HGD: variants seen among roughly 807,000 people sequenced by gnomAD.
The protein encoded by HGD is homogentisate oxidase.
HGD carries 61 observed loss-of-function variants against 60.8 expected under a neutral mutation model. The ratio of observed to expected loss-of-function variants is 1.00; its 90% CI spans 0.82 to 1.24. The LOEUF is 1.24. HGD is among the 50% of genes most tolerant of loss of function. The pLI is 0.00. For missense variants in HGD, 542 were observed against 547.1 expected (o/e 0.99, Z 0.09); for synonymous variants, 212 against 187.7 (o/e 1.13, Z -1.06).
chr3:120,664,667 G>A (rs2107539633), intron 4 of HGD, among the ~76,000 whole-genome samples: 1 of 152,182 alleles, frequency 6.6e-6, no homozygotes, highest in East Asian at 1.9e-4. Context: ...CTGGACTCAA[G>A]TGAACCTCTC....
chr3:120,644,568 C>T (rs1941100718), intron 9 of HGD, 125 bp from the exon 10 acceptor site: 1 of 1,560,342 alleles, frequency 6.4e-7, no homozygotes, highest in African/African-American at 1.4e-5. Context: ...TTTCATTGCT[C>T]AAAGATTCAC....
At chr3:120,670,716 T>G (rs750326180) in intron 3 of HGD, among the ~76,000 whole-genome samples, 184 bp from the exon 4 acceptor site, 2 of 152,222 alleles carry the variant, frequency 1.3e-5, no homozygotes, top group Non-Finnish European at 2.9e-5. Flanking sequence ...CCCACAGCCC[T>G]GGCCTCTTCT....
At position 120,679,354 on chromosome 3, in the gene HGD, AT is replaced by A. The variant is rs576722315; in HGVS notation, c.15+2742del. On this transcript the variant is annotated intron_variant, in intron 1 of 13. Transcript: ENST00000283871. ...AGGGTAGAGATGAAACTACTGCTAC[AT>A]TTTTTTTTTCTGTGGAAAAAGAGTC... Among the ~76,000 whole-genome samples the A allele has an allele frequency of 1.7e-3, 262 of 150,134 alleles. 4 individuals carry two copies. Among genetic ancestry groups the A allele is most frequent in the Non-Finnish European group, 2.2e-3 (149 of 67,366 alleles).
intron 4 of HGD, among the ~76,000 whole-genome samples, chr3:120,660,594 G>T (rs551013736): frequency 2.2e-4 from 34 of 152,208 alleles, no homozygotes; most frequent in Non-Finnish European, 4.6e-4. Context: ...GGAGGCCGAG[G>T]CGGCCAGATC....
chr3:120,679,648 A>G (rs973748823), intron 1 of HGD, among the ~76,000 whole-genome samples: 2 of 152,188 alleles, frequency 1.3e-5, no homozygotes, highest in African/African-American at 4.8e-5. Context: ...GCAAAGGGAG[A>G]TTTGACTTAT....
chr3:120,682,031 G>A (rs948645188), intron 1 of HGD, 66 bp downstream of exon 1: 5 of 1,489,692 alleles, frequency 3.4e-6, no homozygotes, highest in Non-Finnish European at 4.7e-6. Flanking sequence ...ATACCCTGAA[G>A]TTCTCAGAAA....
chr3:120,656,324 A>G (rs966856528), intron 4 of HGD, among the ~76,000 whole-genome samples: 3 of 152,220 alleles, frequency 2.0e-5, no homozygotes, highest in Non-Finnish European at 4.4e-5. Context: ...ATATAGTCCT[A>G]CAACTTTTAA....
At position 120,678,042 on chromosome 3, in the gene HGD, G is replaced by A. The variant is rs543141969; in HGVS notation, c.16-2179C>T. ...TGAATGTTATGACCTAGGAAGCAAT[G>A]GAAGTGAAAAATTATTCTTTTTGCC... On this transcript the variant is annotated intron_variant, in intron 1 of 13. Transcript: ENST00000283871. 5 of 152,280 alleles carry A rather than the reference G, an allele frequency of 3.3e-5. No homozygotes were observed. The South Asian group carries it at 1.0e-3, about 32-fold the overall frequency. The allele number at this position is 152,280 out of a possible 1,614,324, so 9.4% of individuals were successfully genotyped here.
intron 13 of HGD, 124 bp from the exon 14 acceptor site, chr3:120,628,653 G>A: frequency 8.6e-7 from 1 of 1,159,168 alleles, no homozygotes; most frequent in Non-Finnish European, 1.3e-6. Flanking sequence ...AGATTTGTGT[G>A]CTAGAGTGGT....
At chr3:120,677,207 A>T (rs1275992487) in intron 1 of HGD, among the ~76,000 whole-genome samples, 1 of 152,090 alleles carries the variant, frequency 6.6e-6, no homozygotes, top group East Asian at 1.9e-4. Context: ...GACACCTTGA[A>T]AAAAGAACAG....
intron 4 of HGD, among the ~76,000 whole-genome samples, chr3:120,668,723 T>C (rs1707957183): frequency 6.6e-6 from 1 of 152,228 alleles, no homozygotes. Flanking sequence ...TATTCTCTCA[T>C]AATCTTCACA....
intron 7 of HGD, 94 bp downstream of exon 7, chr3:120,647,783 G>A (rs2551626): frequency 2.0e-6 from 2 of 1,009,044 alleles, no homozygotes; most frequent in South Asian, 2.5e-5. Context: ...AGACAGATTG[G>A]AGAATGAAGG....
chr3:120,662,107 T>C (rs949932885), intron 4 of HGD, among the ~76,000 whole-genome samples: 1 of 151,992 alleles, frequency 6.6e-6, no homozygotes, highest in Non-Finnish European at 1.5e-5. Flanking sequence ...GACTGATAGG[T>C]AGGGGACATG....
intron 4 of HGD, among the ~76,000 whole-genome samples, chr3:120,664,594 A>C (rs1707857260): frequency 6.6e-6 from 1 of 150,914 alleles, no homozygotes; most frequent in Non-Finnish European, 1.5e-5. Context: ...TGCTCAGCTA[A>C]TTTTTTTTCA....
At chr3:120,666,531 G>A (rs1033984003) in intron 4 of HGD, among the ~76,000 whole-genome samples, 2 of 152,106 alleles carry the variant, frequency 1.3e-5, no homozygotes, top group Non-Finnish European at 2.9e-5. Flanking sequence ...TGCCCAGGCT[G>A]TAGTCCAATG....
chr3:120,676,650 T>C (rs1708136652), intron 1 of HGD, among the ~76,000 whole-genome samples: 1 of 152,224 alleles, frequency 6.6e-6, no homozygotes, highest in South Asian at 2.1e-4. Flanking sequence ...ATTTTTCCCT[T>C]AAAGCCAATT....
rs1186509068 is a variant in HGD, at chr3:120,628,449, G to A, written c.1269C>T (p.Tyr423=). ...LKASRCLDEN[Y]HKCWEPLKSH... ...TCTTGAGTGGCTCCCAGCACTTGTGGTAGTTCTCATCCAAACACCTGGAGG... is the reference window on the plus strand; with the variant it reads ...TCTTGAGTGGCTCCCAGCACTTGTGATAGTTCTCATCCAAACACCTGGAGG... The change falls in exon 14 of 14, where the codon TAC becomes TAT. Residue 423 remains tyrosine (Y), a synonymous_variant. Coordinates refer to ENST00000283871, the MANE Select transcript of HGD (RefSeq NM_000187.4). 1 of 1,614,012 alleles carries A rather than the reference G, an allele frequency of 6.2e-7. No homozygotes were observed. Among genetic ancestry groups the A allele is most frequent in the Non-Finnish European group, 8.5e-7 (1 of 1,179,954 alleles).
intron 4 of HGD, among the ~76,000 whole-genome samples, chr3:120,654,119 A>G (rs1576302303): frequency 6.6e-6 from 1 of 152,186 alleles, no homozygotes; most frequent in Non-Finnish European, 1.5e-5. Flanking sequence ...GCTTCCTTCT[A>G]TAGTAACAGA....
At chr3:120,651,580 G>A (rs1941343150) in intron 5 of HGD, among the ~76,000 whole-genome samples, 2 of 152,190 alleles carry the variant, frequency 1.3e-5, no homozygotes, top group African/African-American at 4.8e-5. Flanking sequence ...TCTACAAAGA[G>A]TTTGGAGCAC....
Sources: gnomAD v4.1 joint callset for allele counts (sites outside exome capture counted in the v4.1 genomes callset) on GRCh38, gnomAD v4.1.1 for gene constraint, MANE v1.5 for transcripts, NCBI Gene and HGNC (gene_info 2026-07-23, HGNC 2026-07-21) for gene names.